The following TRIQK variants were observed in gnomAD, a reference collection of about 807,000 sequenced individuals.
The protein encoded by TRIQK is triple QxxK/R motif-containing protein.
Under a neutral mutation model 10.8 loss-of-function variants are expected in TRIQK, and 10 were observed. That is an observed-to-expected ratio of 0.92 (90% CI 0.57 to 1.57). The LOEUF (loss-of-function observed/expected upper bound fraction) is 1.57. Ranked by LOEUF, TRIQK falls within the 40% of genes most tolerant of loss-of-function variation. The pLI is 0.00. For synonymous variants in TRIQK, 33 were observed against 33.7 expected, an observed-to-expected ratio of 0.98 and a Z score of 0.07; for missense variants, 107 against 97.7, an observed-to-expected ratio of 1.09 and a Z score of -0.40.
intron 2 of TRIQK, among the ~76,000 whole-genome samples, chr8:92,923,936 C>T (rs565038259): frequency 1.3e-5 from 2 of 151,914 alleles, no homozygotes; most frequent in Non-Finnish European, 2.9e-5. Context: ...GAAGCCTTCA[C>T]ATATGTCTCT....
intron 1 of TRIQK, among the ~76,000 whole-genome samples, chr8:92,998,458 G>C (rs993759178): frequency 6.6e-6 from 1 of 151,964 alleles, no homozygotes; most frequent in African/African-American, 2.4e-5. Context: ...TAAGAGATTA[G>C]TGTTAGCACA....
At chr8:92,930,937 A>T (rs998690472) in intron 2 of TRIQK, among the ~76,000 whole-genome samples, 1 of 152,198 alleles carries the variant, frequency 6.6e-6, no homozygotes, top group Non-Finnish European at 1.5e-5. Flanking sequence ...AACATCTCAG[A>T]TGGTATATAC....
chr8:92,887,508 ATC>A (rs930763105), intron 4 of TRIQK, among the ~76,000 whole-genome samples: 4 of 151,480 alleles, frequency 2.6e-5, no homozygotes, highest in Admixed American at 6.6e-5. Context: ...ATATGTATAT[ATC>A]TCTGTGTGTA....
chr8:92,976,896 A>T (rs1443245944), intron 1 of TRIQK, among the ~76,000 whole-genome samples: 1 of 152,008 alleles, frequency 6.6e-6, no homozygotes, highest in African/African-American at 2.4e-5. Flanking sequence ...AAGAAGCTTG[A>T]TGCAGTATAT....
intron 1 of TRIQK, among the ~76,000 whole-genome samples, chr8:93,017,372 G>A (rs1346047433): frequency 6.6e-6 from 1 of 152,144 alleles, no homozygotes; most frequent in Non-Finnish European, 1.5e-5. Flanking sequence ...CTAGGCTGAG[G>A]GATGTGACTT....
At chr8:92,929,118 T>G (rs1810584191) in intron 2 of TRIQK, among the ~76,000 whole-genome samples, 1 of 152,114 alleles carries the variant, frequency 6.6e-6, no homozygotes, top group Non-Finnish European at 1.5e-5. Flanking sequence ...AAATACAAAG[T>G]CCAGGCCTCA....
upstream of TRIQK, among the ~76,000 whole-genome samples, chr8:92,966,707 A>T (rs1812764147): frequency 6.6e-6 from 1 of 152,172 alleles, no homozygotes; most frequent in East Asian, 1.9e-4. Flanking sequence ...AATTATACTC[A>T]TGTAATCCTT....
At chr8:92,985,243 C>A (rs909874842) in intron 1 of TRIQK, among the ~76,000 whole-genome samples, 42 of 152,166 alleles carry the variant, frequency 2.8e-4, no homozygotes, top group African/African-American at 1.0e-3. Context: ...TGTGTGTGCA[C>A]GCGCACGCAT....
At chr8:93,007,894 T>C (rs1207789962) in intron 1 of TRIQK, among the ~76,000 whole-genome samples, 3 of 152,148 alleles carry the variant, frequency 2.0e-5, no homozygotes, top group African/African-American at 7.2e-5. Context: ...CTAATCCAAA[T>C]GCCCATCAAT....
chr8:92,962,416 A>G (rs1328963273), intron 1 of TRIQK, among the ~76,000 whole-genome samples: 1 of 152,220 alleles, frequency 6.6e-6, no homozygotes, highest in East Asian at 1.9e-4. Context: ...GGACTCTCAA[A>G]AGATGCTTTG....
chr8:92,940,440 G>A (rs946326400), intron 2 of TRIQK, among the ~76,000 whole-genome samples: 6 of 151,784 alleles, frequency 4.0e-5, no homozygotes, highest in Non-Finnish European at 7.4e-5. Context: ...AAAAGATATT[G>A]CATGCAAATG....
chr8:92,990,436 A>G (rs896932034), intron 1 of TRIQK, among the ~76,000 whole-genome samples: 2 of 152,116 alleles, frequency 1.3e-5, no homozygotes, highest in Admixed American at 1.3e-4. Flanking sequence ...TTTTAAATTA[A>G]AGAAGATCAC....
rs1813185002 is a variant in TRIQK, at chr8:92,999,297, T to C, written c.-181+18312A>G. ...ACATATTGGTTTTTGAATTCTTTTGTTTTTAATATTTTTATTGAAAACCCA... is the reference window on the plus strand; with the variant it reads ...ACATATTGGTTTTTGAATTCTTTTGCTTTTAATATTTTTATTGAAAACCCA... On this transcript the variant is annotated intron_variant, in intron 1 of 4. Transcript: ENST00000520686. Among the ~76,000 whole-genome samples, 6 of 152,284 alleles carry C rather than the reference T, an allele frequency of 3.9e-5. No homozygotes were observed. The South Asian group carries it at 1.2e-3, about 32-fold the overall frequency.
chr8:92,959,644 G>A (rs568722650), intron 1 of TRIQK, among the ~76,000 whole-genome samples: 15 of 152,046 alleles, frequency 9.9e-5, no homozygotes, highest in African/African-American at 3.1e-4. Flanking sequence ...TCAACTTACC[G>A]TGGGTGAAAA....
At chr8:93,006,441 C>T (rs899128166) in intron 1 of TRIQK, among the ~76,000 whole-genome samples, 1 of 152,188 alleles carries the variant, frequency 6.6e-6, no homozygotes. Flanking sequence ...GTGCGACACA[C>T]GGATCAGGAG....
chr8:92,987,060 G>A (rs1376820144), intron 1 of TRIQK, among the ~76,000 whole-genome samples: 1 of 152,174 alleles, frequency 6.6e-6, no homozygotes, highest in African/African-American at 2.4e-5. Flanking sequence ...AATTTGAAAT[G>A]TAAATTGTCT....
At chr8:92,908,491 T>C (rs1247761080) in intron 3 of TRIQK, among the ~76,000 whole-genome samples, 1 of 152,162 alleles carries the variant, frequency 6.6e-6, no homozygotes, top group Non-Finnish European at 1.5e-5. Flanking sequence ...TCTTTTCACC[T>C]GCAAATGGAC....
chr8:92,969,665 A>G (rs899318280), upstream of TRIQK, among the ~76,000 whole-genome samples: 4 of 152,086 alleles, frequency 2.6e-5, no homozygotes, highest in African/African-American at 9.7e-5. Context: ...TTAGGTATAC[A>G]TATGCCATAG....
At chr8:93,006,983 C>T (rs920639251) in intron 1 of TRIQK, among the ~76,000 whole-genome samples, 1 of 152,218 alleles carries the variant, frequency 6.6e-6, no homozygotes, top group Non-Finnish European at 1.5e-5. Flanking sequence ...GCGCAGTGCA[C>T]CCCCATCGCC....
Sources: allele counts gnomAD v4.1 joint callset (sites outside exome capture counted in the v4.1 genomes callset), GRCh38; gene constraint gnomAD v4.1.1; transcripts MANE v1.5; gene names NCBI Gene and HGNC (gene_info 2026-07-23, HGNC 2026-07-21).